The following SMAD3 variants were observed in gnomAD, a reference collection of about 807,000 sequenced individuals.
SMAD3 encodes MAD homolog 3.
In SMAD3, 12 loss-of-function variants were observed where a neutral mutation model predicts 51.8. The observed-to-expected ratio is 0.23, with a 90% CI of 0.15 to 0.38. The LOEUF (loss-of-function observed/expected upper bound fraction) is 0.38, where lower values mean the gene tolerates loss of function less well. SMAD3 is among the 10% of genes least tolerant of loss of function. The probability of loss-of-function intolerance (pLI) is 1.00; values close to 1 mark genes in which losing one functional copy is unlikely to be tolerated. For synonymous variants in SMAD3, 238 were observed against 227.7 expected, an observed-to-expected ratio of 1.05 and a Z score of -0.41; for missense variants, 294 against 565.6, an observed-to-expected ratio of 0.52 and a Z score of 4.87.
rs145645018 is a variant in SMAD3 at position 67,193,573 on chromosome 15, C to G, written c.*3037C>G. 1,392 of 211,158 alleles carry G rather than the reference C, an allele frequency of 6.6e-3. 7 individuals are homozygous for G. The highest frequency in any genetic ancestry group is 0.016 in the South Asian group (68 of 4,208). The allele number at this position is 211,158 out of a possible 1,614,324, so 13.1% of individuals were successfully genotyped here. Reference sequence around the variant, plus strand: ...GGCCACCTTCCTGGCAGGCTGTAGACCTGACATTTTGAGACAAGCCTAGAG... The same window carrying G: ...GGCCACCTTCCTGGCAGGCTGTAGAGCTGACATTTTGAGACAAGCCTAGAG... On this transcript the variant is annotated 3_prime_UTR_variant, in exon 9 of 9. Coordinates refer to ENST00000327367, the MANE Select transcript of SMAD3 (RefSeq NM_005902.4).
intron 1 of SMAD3, among the ~76,000 whole-genome samples, chr15:67,076,234 G>T (rs544716151): frequency 6.6e-6 from 1 of 152,038 alleles, no homozygotes; most frequent in Admixed American, 6.6e-5. Context: ...ATTCTTAGGC[G>T]GTTCTGCCCT....
At chr15:67,171,717 G>A (rs1037478970) in intron 5 of SMAD3, among the ~76,000 whole-genome samples, 2 of 152,290 alleles carry the variant, frequency 1.3e-5, no homozygotes, top group South Asian at 4.1e-4. Context: ...AGGCTGACCT[G>A]GGCAGTGTGG....
intron 1 of SMAD3, among the ~76,000 whole-genome samples, chr15:67,097,049 C>T (rs925221567): frequency 1.3e-5 from 2 of 152,188 alleles, no homozygotes; most frequent in Non-Finnish European, 2.9e-5. Flanking sequence ...TAGTTTGACT[C>T]TTAACTCAGG....
intron 1 of SMAD3, among the ~76,000 whole-genome samples, chr15:67,121,153 G>A (rs970517610): frequency 6.6e-6 from 1 of 152,094 alleles, no homozygotes; most frequent in Non-Finnish European, 1.5e-5. Context: ...TGCAGCCCCC[G>A]CCCTGTCCTG....
At chr15:67,072,005 G>T (rs1960065457) in intron 1 of SMAD3, among the ~76,000 whole-genome samples, 1 of 152,124 alleles carries the variant, frequency 6.6e-6, no homozygotes, top group African/African-American at 2.4e-5. Flanking sequence ...CAAGGGTGAA[G>T]TTTTAAATGA....
chr15:67,177,535 G>A (rs1168486751), intron 5 of SMAD3, among the ~76,000 whole-genome samples: 1 of 145,980 alleles, frequency 6.9e-6, no homozygotes, highest in African/African-American at 2.5e-5. Context: ...TGATTCTCCT[G>A]CCTCAGCCTC....
intron 6 of SMAD3, among the ~76,000 whole-genome samples, chr15:67,182,373 G>A (rs79545745): frequency 0.027 from 4,048 of 152,266 alleles, 76 homozygotes; most frequent in Non-Finnish European, 0.041. Context: ...AGGATTTTAC[G>A]ATCCAGAATC....
chr15:67,145,397 T>C (rs746273949), intron 1 of SMAD3, among the ~76,000 whole-genome samples: 2 of 152,148 alleles, frequency 1.3e-5, no homozygotes, highest in Non-Finnish European at 2.9e-5. Context: ...AGATTGTTAA[T>C]CTCTCATTCT....
chr15:67,080,897 T>C (rs973580240), intron 1 of SMAD3, among the ~76,000 whole-genome samples: 2 of 152,136 alleles, frequency 1.3e-5, no homozygotes, highest in Non-Finnish European at 1.5e-5. Flanking sequence ...TCATCCTCCT[T>C]CTCTTGCCCC....
chr15:67,180,032 A>T (rs1963009870), intron 5 of SMAD3, among the ~76,000 whole-genome samples: 2 of 152,182 alleles, frequency 1.3e-5, no homozygotes, highest in Admixed American at 1.3e-4. Flanking sequence ...TGAAGCTTTG[A>T]GATGGAAGAG....
intron 1 of SMAD3, among the ~76,000 whole-genome samples, chr15:67,136,875 C>T (rs949685423): frequency 2.6e-5 from 4 of 152,184 alleles, no homozygotes; most frequent in African/African-American, 9.6e-5. Flanking sequence ...GTACCATGGT[C>T]TCTTCAGGTT....
intron 1 of SMAD3, among the ~76,000 whole-genome samples, chr15:67,082,671 G>A (rs11071929): frequency 0.55 from 83,075 of 152,032 alleles, 22,918 homozygotes; most frequent in South Asian, 0.73. Flanking sequence ...GTCGTCGGAC[G>A]GAACTTTCTG....
At chr15:67,154,173 G>A (rs1321764150) in intron 1 of SMAD3, among the ~76,000 whole-genome samples, 1 of 152,204 alleles carries the variant, frequency 6.6e-6, no homozygotes, top group Non-Finnish European at 1.5e-5. Context: ...AAATATAATG[G>A]GAAGAAGTGA....
intron 1 of SMAD3, among the ~76,000 whole-genome samples, chr15:67,161,046 G>C (rs1212944029): frequency 6.6e-6 from 1 of 152,018 alleles, no homozygotes; most frequent in African/African-American, 2.4e-5. Flanking sequence ...AAGTCACAAA[G>C]ATTTTCTCCT....
intron 1 of SMAD3, among the ~76,000 whole-genome samples, chr15:67,122,029 G>A (rs1367700858): frequency 2.0e-5 from 3 of 152,164 alleles, no homozygotes; most frequent in African/African-American, 7.2e-5. Flanking sequence ...CAAGTGCACG[G>A]GTAGGCTAGT....
chr15:67,138,217 G>A, intron 1 of SMAD3: 1 of 775,678 alleles, frequency 1.3e-6, no homozygotes, highest in East Asian at 2.7e-5. Flanking sequence ...CTTTCTCTGG[G>A]TGGGGATGTG....
intron 1 of SMAD3, among the ~76,000 whole-genome samples, chr15:67,138,957 C>A (rs533475798): frequency 3.3e-5 from 5 of 152,324 alleles, no homozygotes; most frequent in African/African-American, 1.2e-4. Flanking sequence ...CGATTCCCAG[C>A]CCACTTCAAA....
intron 1 of SMAD3, among the ~76,000 whole-genome samples, chr15:67,084,070 C>CTTTTTTT (rs56675753): frequency 6.2e-4 from 53 of 85,050 alleles, no homozygotes; most frequent in Middle Eastern, 0.011. Flanking sequence ...CTTTTTTTTT[C>CTTTTTTT]TTTTTTTTTT....
rs189685754 is a variant in SMAD3, at chr15:67,194,978, C to T, written c.*4442C>T. ...GACTGTGTTGATTACCTTCACTATT[C>T]GGCCAGCCTGACCTTTTAATAACTT... On this transcript the variant is annotated 3_prime_UTR_variant, in exon 9 of 9. Transcript: ENST00000327367. 1.2e-4 allele frequency: 28 copies of T among 233,660 alleles called. No individual in the cohort carries two copies. The East Asian group carries it at 1.5e-3, about 12-fold the overall frequency. 14.5% of individuals were successfully genotyped at this position (233,660 alleles called of 1,614,324 possible).
Sources: allele counts gnomAD v4.1 joint callset (sites outside exome capture counted in the v4.1 genomes callset), GRCh38; gene constraint gnomAD v4.1.1; transcripts MANE v1.5; gene names NCBI Gene and HGNC (gene_info 2026-07-23, HGNC 2026-07-21).